IL1RL1: variants seen among roughly 807,000 people sequenced by gnomAD.
IL1RL1 encodes interleukin 1 receptor like 1.
IL1RL1 carries 32 observed loss-of-function variants against 50.9 expected under a neutral mutation model. The observed-to-expected ratio is 0.63, with a 90% CI of 0.47 to 0.84. IL1RL1 has a LOEUF of 0.84. IL1RL1 is among the 40% of genes least tolerant of loss of function. The pLI, the probability that IL1RL1 is intolerant of heterozygous loss-of-function variation, is 0.00. For missense variants in IL1RL1, 773 were observed against 662.9 expected (o/e 1.17, Z -1.82); for synonymous variants, 275 against 236.0 (o/e 1.17, Z -1.51).
intron 1 of IL1RL1, among the ~76,000 whole-genome samples, chr2:102,328,354 C>T (rs1366403988): frequency 6.6e-6 from 1 of 151,998 alleles, no homozygotes; most frequent in African/African-American, 2.4e-5. Flanking sequence ...TGGGACGTAT[C>T]TCAAAATAAT....
chr2:102,342,935 G>A, intron 6 of IL1RL1, 101 bp from the exon 7 acceptor site: 1 of 1,105,250 alleles, frequency 9.0e-7, no homozygotes, highest in Non-Finnish European at 1.3e-6. Context: ...CTGGTGGGGT[G>A]CATACTAAGT....
At chr2:102,347,598 G>A (rs561693355) in intron 8 of IL1RL1, among the ~76,000 whole-genome samples, 12 of 152,108 alleles carry the variant, frequency 7.9e-5, no homozygotes, top group African/African-American at 2.9e-4. Context: ...TCTTTCAGAG[G>A]CCTCCTCCTC....
At position 102,338,142 on chromosome 2, in the gene IL1RL1, T is replaced by C. The variant is rs1677396854; in HGVS notation, c.-123T>C. ...TGAGATATAGGCTACTCTTCCCAAC[T>C]CAGTCTTGAAGAGTATCACCAACTG... On this transcript the variant is annotated 5_prime_UTR_variant, in exon 2 of 11. Coordinates refer to ENST00000233954, the MANE Select transcript of IL1RL1 (RefSeq NM_016232.5). 6 of 563,364 alleles carry C rather than the reference T, an allele frequency of 1.1e-5. No homozygotes were observed. In the Admixed American group the frequency reaches 1.7e-4, roughly 16 times the overall value. The allele number at this position is 563,364 out of a possible 1,614,324, so 34.9% of individuals were successfully genotyped here.
intron 8 of IL1RL1, among the ~76,000 whole-genome samples, chr2:102,346,720 T>C (rs1169860492): frequency 3.9e-5 from 6 of 152,158 alleles, no homozygotes; most frequent in Middle Eastern, 3.2e-3. Context: ...TTTCACTTTT[T>C]CCCCCCAATT....
intron 3 of IL1RL1, chr2:102,339,294 C>T (rs1677452859): frequency 2.4e-6 from 1 of 416,080 alleles, no homozygotes; most frequent in African/African-American, 2.0e-5. Context: ...AGAGAAAAAC[C>T]TAGCTTTCCT....
chr2:102,347,028 G>A (rs1234877157), intron 8 of IL1RL1, among the ~76,000 whole-genome samples: 1 of 152,162 alleles, frequency 6.6e-6, no homozygotes, highest in African/African-American at 2.4e-5. Context: ...GAGAAGTATG[G>A]GCTATGAGTA....
intron 8 of IL1RL1, chr2:102,345,082 C>T: frequency 1.1e-6 from 1 of 878,478 alleles, no homozygotes; most frequent in Non-Finnish European, 1.4e-6. Flanking sequence ...TTCCTGGGTG[C>T]AGGCAAGAAG....
chr2:102,342,247 C>A lies in IL1RL1; in HGVS notation c.635C>A (p.Pro212Gln). Reference protein sequence around the residue: ...VKDEQGFSLFPVIGAPAQNEI... With the variant: ...VKDEQGFSLFQVIGAPAQNEI... ...GATGAGCAAGGCTTTTCTCTGTTTC[C>A]AGTAATCGGAGCCCCTGCACAAAAT... Residue 212 changes from proline to glutamine, a missense_variant, in exon 6 of 11, where the codon CCA (proline) becomes CAA (glutamine). Physicochemically the swap from Pro to Gln is moderately conservative, Grantham distance 76. Coordinates refer to ENST00000233954, the MANE Select transcript of IL1RL1 (RefSeq NM_016232.5). 1 of 1,611,162 alleles carries A rather than the reference C, an allele frequency of 6.2e-7. No homozygotes were observed. The highest frequency in any genetic ancestry group is 8.5e-7 in the Non-Finnish European group (1 of 1,177,690).
Position 102,349,182 on chromosome 2 carries a change from T to A in IL1RL1, c.1221T>A (p.Asp407Glu). 6.2e-7 allele frequency: 1 copy of A among 1,613,824 alleles called. No homozygotes were observed. Among genetic ancestry groups the A allele is most frequent in the Non-Finnish European group, 8.5e-7 (1 of 1,179,746 alleles). ...VEHFVHQILP[D>E]VLENKCGYTL... is the part of the protein sequence containing the mutation. The stretch of plus-strand genomic sequence containing the variant: ...ACTTTGTTCACCAGATTCTGCCTGA[T>A]GTTCTTGAAAATAAATGTGGCTATA... The change falls in exon 10 of 11, where the codon GAT becomes GAA. Residue 407 changes from aspartate to glutamate, a missense_variant. Physicochemically the swap from Asp to Glu is conservative, Grantham distance 45. Transcript: ENST00000233954.
intron 10 of IL1RL1, among the ~76,000 whole-genome samples, chr2:102,350,563 T>G (rs1026282228): frequency 2.0e-5 from 3 of 152,276 alleles, no homozygotes; most frequent in Non-Finnish European, 4.4e-5. Context: ...GTCTATAGTC[T>G]CATGCAACTT....
intron 1 of IL1RL1, among the ~76,000 whole-genome samples, chr2:102,312,294 A>G (rs1355055663): frequency 6.7e-6 from 1 of 149,058 alleles, no homozygotes. Flanking sequence ...AATATATATA[A>G]CATTATAACA....
At position 102,343,303 on chromosome 2, in the gene IL1RL1, T is replaced by C. The variant is rs199635856; in HGVS notation, c.858T>C (p.Val286=). The C allele has an allele frequency of 1.2e-5, 19 of 1,614,186 alleles. No individual in the cohort carries two copies. In the African/African-American group the frequency reaches 2.4e-4, roughly 20 times the overall value. Residue 286 remains valine (V), a synonymous_variant, in exon 8 of 11, where the codon GTT becomes GTC. Coordinates refer to ENST00000233954, the MANE Select transcript of IL1RL1 (RefSeq NM_016232.5). Reference sequence around the variant, plus strand: ...ATGGGCTGGCTTGTCTAGACATGGTTTTAAGAATAGCTGACGTGAAGGAAG... The same window carrying C: ...ATGGGCTGGCTTGTCTAGACATGGTCTTAAGAATAGCTGACGTGAAGGAAG... ...FSNGLACLDM[V]LRIADVKEED...
intron 1 of IL1RL1, among the ~76,000 whole-genome samples, chr2:102,324,710 C>T (rs1299741808): frequency 6.6e-6 from 1 of 152,238 alleles, no homozygotes; most frequent in Non-Finnish European, 1.5e-5. Context: ...TTATATCCTG[C>T]ACCTGGCTTG....
intron 1 of IL1RL1, among the ~76,000 whole-genome samples, chr2:102,324,132 T>C (rs1676922819): frequency 1.3e-5 from 2 of 152,120 alleles, no homozygotes. Context: ...TGAACTGGTA[T>C]GAACATTTGT....
At position 102,348,017 on chromosome 2, in the gene IL1RL1, T is replaced by G; in HGVS notation, c.1043T>G (p.Ile348Ser). ...TTAATGCTAATCAATGTCCTGGTTA[T>G]CATCCTAAAAATGTTCTGGATTGAG... is the stretch of plus-strand genomic sequence containing the variant. ...VFLMLINVLV[I>S]ILKMFWIEAT... The change falls in exon 9 of 11, where the codon ATC becomes AGC. Residue 348 changes from isoleucine (I) to serine (S), a missense_variant. Transcript: ENST00000233954. 1 of 1,597,860 alleles carries G rather than the reference T, an allele frequency of 6.3e-7. No individual in the cohort carries two copies. The highest frequency in any genetic ancestry group is 8.6e-7 in the Non-Finnish European group (1 of 1,165,222).
intron 1 of IL1RL1, among the ~76,000 whole-genome samples, chr2:102,316,412 C>T (rs1171211803): frequency 6.6e-6 from 1 of 152,008 alleles, no homozygotes; most frequent in African/African-American, 2.4e-5. Context: ...CTTGGTGAAC[C>T]TGAGGAAATC....
rs530667407 is a variant in IL1RL1, at chr2:102,345,477, T to C, written c.970+2062T>C. 4 of 985,296 alleles carry C rather than the reference T, an allele frequency of 4.1e-6. No individual in the cohort carries two copies. In the African/African-American group the frequency reaches 7.0e-5, roughly 17 times the overall value. 61.0% of individuals were successfully genotyped at this position (985,296 alleles called of 1,614,324 possible). ...GAAATTGTTTAATGTGCCTGTCAAATAGCCAAAGAGTGTTAAACCCTGAGT... is the reference window on the plus strand; with the variant it reads ...GAAATTGTTTAATGTGCCTGTCAAACAGCCAAAGAGTGTTAAACCCTGAGT... On this transcript the variant is annotated intron_variant, in intron 8 of 10. Transcript: ENST00000233954.
intron 1 of IL1RL1, among the ~76,000 whole-genome samples, chr2:102,326,362 T>C (rs1573136894): frequency 6.6e-6 from 1 of 151,952 alleles, no homozygotes; most frequent in South Asian, 2.1e-4. Flanking sequence ...GCACTAAACA[T>C]GGAAAGGAAC....
At chr2:102,311,948 ATATAATATATAT>A (rs1676503717) in intron 1 of IL1RL1, among the ~76,000 whole-genome samples, 1 of 42,686 alleles carries the variant, frequency 2.3e-5, no homozygotes, top group South Asian at 4.9e-4. Context: ...ATAATATTAT[ATATAATATATAT>A]TATATATAAT....
Sources: gnomAD v4.1 joint callset for allele counts (sites outside exome capture counted in the v4.1 genomes callset) on GRCh38, gnomAD v4.1.1 for gene constraint, MANE v1.5 for transcripts, NCBI Gene and HGNC (gene_info 2026-07-23, HGNC 2026-07-21) for gene names.